SOAT1: variants seen among roughly 807,000 people sequenced by gnomAD.
SOAT1 encodes the protein sterol O-acyltransferase 1.
In SOAT1, 55 loss-of-function variants were observed where a neutral mutation model predicts 69.5. The observed-to-expected ratio is 0.79, with a 90% CI of 0.64 to 0.99. SOAT1 has a LOEUF of 0.99. Ranked by LOEUF, SOAT1 falls within the 50% of genes least tolerant of loss-of-function variation. SOAT1 has a pLI of 0.00. For missense variants in SOAT1, 580 were observed against 669.3 expected (o/e 0.87, Z 1.47); for synonymous variants, 231 against 224.7 (o/e 1.03, Z -0.25).
At chr1:179,351,114 G>T (rs13306727) in intron 14 of SOAT1, among the ~76,000 whole-genome samples, 67,784 of 144,848 alleles carry the variant, frequency 0.47, 15,564 homozygotes, top group Middle Eastern at 0.52. Context: ...TATGATCTCA[G>T]CTCACTGCAA....
chr1:179,300,968 A>G (rs1571400866), intron 1 of SOAT1, among the ~76,000 whole-genome samples: 1 of 151,898 alleles, frequency 6.6e-6, no homozygotes, highest in African/African-American at 2.4e-5. Context: ...GGTGGCAGTC[A>G]CCTGTAATCT....
In SOAT1 at chr1:179,337,976, A is replaced by G. The variant is rs1056801128; in HGVS notation, c.389+80A>G. 117 of 942,956 alleles carry G rather than the reference A, an allele frequency of 1.2e-4. 1 individual carries two copies. The highest frequency in any genetic ancestry group is 4.4e-4 in the South Asian group (26 of 59,430). 58.4% of individuals were successfully genotyped at this position (942,956 alleles called of 1,614,324 possible). A position where few individuals can be genotyped will look rare whatever the true frequency, so the allele number is the denominator to read the frequency against. ...TAGAATCATTGCTTAGTATATGGACATGTAATGAGTTCTGTATCTGTATAA... is the reference window on the plus strand; with the variant it reads ...TAGAATCATTGCTTAGTATATGGACGTGTAATGAGTTCTGTATCTGTATAA... On this transcript the variant is annotated intron_variant, in intron 5 of 15. Transcript: ENST00000367619.
At chr1:179,302,930 A>G (rs1313617765) in intron 2 of SOAT1, 128 bp downstream of exon 2, 2 of 512,310 alleles carry the variant, frequency 3.9e-6, no homozygotes, top group Non-Finnish European at 6.9e-6. Flanking sequence ...TTATATGTCT[A>G]GTAACAAAGC....
intron 2 of SOAT1, among the ~76,000 whole-genome samples, chr1:179,307,443 C>T (rs1395668745): frequency 1.3e-5 from 2 of 152,124 alleles, no homozygotes; most frequent in East Asian, 3.9e-4. Context: ...TGTCCGTTCT[C>T]AGAAATACTG....
intron 1 of SOAT1, 107 bp from the exon 2 acceptor site, chr1:179,302,570 C>A: frequency 1.6e-6 from 1 of 630,924 alleles, no homozygotes. Context: ...CCATGCGGAA[C>A]TGTGAGACAG....
chr1:179,296,061 T>C, intron 1 of SOAT1, among the ~76,000 whole-genome samples: 1 of 136,672 alleles, frequency 7.3e-6, no homozygotes, highest in Admixed American at 8.0e-5. Context: ...CCTCAGGTGA[T>C]CCACCCGCCT....
intron 2 of SOAT1, among the ~76,000 whole-genome samples, chr1:179,310,524 A>C (rs1163289327): frequency 6.6e-6 from 1 of 152,200 alleles, no homozygotes; most frequent in Admixed American, 6.5e-5. Flanking sequence ...TTTTGTGGTC[A>C]GTGGAGCAAT....
intron 9 of SOAT1, 28 bp downstream of exon 9, chr1:179,342,971 G>T (rs1191409568): frequency 6.4e-7 from 1 of 1,560,652 alleles, no homozygotes; most frequent in Non-Finnish European, 8.8e-7. Context: ...CAGAAATGTG[G>T]TAAACACCAA....
At chr1:179,346,065 A>G (rs1481662842) in intron 11 of SOAT1, among the ~76,000 whole-genome samples, 3 of 152,064 alleles carry the variant, frequency 2.0e-5, no homozygotes, top group Non-Finnish European at 4.4e-5. Flanking sequence ...TACTCATTGA[A>G]TGTTGGTAAT....
At chr1:179,320,530 G>A (rs1469816698) in intron 2 of SOAT1, among the ~76,000 whole-genome samples, 1 of 151,906 alleles carries the variant, frequency 6.6e-6, no homozygotes, top group African/African-American at 2.4e-5. Context: ...TTGCAAAGAA[G>A]CCAGGTGAAA....
At chr1:179,312,111 C>T (rs1373595117) in intron 2 of SOAT1, among the ~76,000 whole-genome samples, 1 of 152,188 alleles carries the variant, frequency 6.6e-6, no homozygotes, top group Non-Finnish European at 1.5e-5. Context: ...AGGTTTCCAA[C>T]TACTTTTGTG....
rs1216298575 is a variant in SOAT1 at position 179,345,057 on chromosome 1, A to G, written c.1098A>G (p.Val366=). 2 of 1,613,916 alleles carry G rather than the reference A, an allele frequency of 1.2e-6. No individual in the cohort carries two copies. Among genetic ancestry groups the G allele is most frequent in the Non-Finnish European group, 1.7e-6 (2 of 1,179,972 alleles). ...GCGCTCGTGTTCTGGTCCTATGTGT[A>G]TTTAACTCCATCTTGCCAGGTAACA... ...PFSARVLVLC[V]FNSILPGVLI... Residue 366 remains valine, a synonymous_variant, in exon 11 of 16, where the codon GTA becomes GTG. Coordinates refer to ENST00000367619, the MANE Select transcript of SOAT1 (RefSeq NM_003101.6).
At chr1:179,332,646 T>A (rs1426138077) in intron 3 of SOAT1, among the ~76,000 whole-genome samples, 1 of 152,130 alleles carries the variant, frequency 6.6e-6, no homozygotes, top group Non-Finnish European at 1.5e-5. Context: ...TATCAGTAGA[T>A]ACGAGATTGA....
chr1:179,344,816 T>C (rs186546288), intron 10 of SOAT1, 131 bp from the exon 11 acceptor site: 3 of 776,482 alleles, frequency 3.9e-6, no homozygotes, highest in East Asian at 4.9e-5. Flanking sequence ...TCTTCTATAC[T>C]AGTGTTAAAT....
intron 1 of SOAT1, among the ~76,000 whole-genome samples, chr1:179,300,953 C>T (rs1221388346): frequency 6.6e-6 from 1 of 151,934 alleles, no homozygotes; most frequent in Non-Finnish European, 1.5e-5. Flanking sequence ...AAATTAGCCA[C>T]GTGTGGTGGC....
chr1:179,337,407 C>T (rs1334888585), intron 4 of SOAT1, among the ~76,000 whole-genome samples: 1 of 152,114 alleles, frequency 6.6e-6, no homozygotes, highest in East Asian at 1.9e-4. Context: ...AGATCAGTAA[C>T]AGTATATATG....
At chr1:179,345,431 T>C (rs573227034) in intron 11 of SOAT1, among the ~76,000 whole-genome samples, 5 of 152,234 alleles carry the variant, frequency 3.3e-5, no homozygotes, top group Non-Finnish European at 7.3e-5. Flanking sequence ...AAATTACTTG[T>C]AGAAATTACT....
chr1:179,347,708 C>T lies in SOAT1; in HGVS notation c.1215+11C>T, dbSNP rs1168679173. The T allele has an allele frequency of 6.8e-7, 1 of 1,472,682 alleles. No individual in the cohort carries two copies. Among genetic ancestry groups the T allele is most frequent in the Non-Finnish European group, 9.4e-7 (1 of 1,067,072 alleles). 91.2% of individuals were successfully genotyped at this position (1,472,682 alleles called of 1,614,324 possible). A position where few individuals can be genotyped will look rare whatever the true frequency, so the allele number is the denominator to read the frequency against. ...AGGATGTTCTATAAGGTAGTATATACTTAGACTTAGCTTTCTTTTTACATT... is the reference window on the plus strand; with the variant it reads ...AGGATGTTCTATAAGGTAGTATATATTTAGACTTAGCTTTCTTTTTACATT... On this transcript the variant is annotated intron_variant, in intron 12 of 15. Transcript: ENST00000367619.
intron 12 of SOAT1, 38 bp downstream of exon 12, chr1:179,347,735 T>G: frequency 8.6e-7 from 1 of 1,167,358 alleles, no homozygotes. Flanking sequence ...TTTTACATTT[T>G]ATTAACTTCT....
Sources: gnomAD v4.1 joint callset for allele counts (sites outside exome capture counted in the v4.1 genomes callset) on GRCh38, gnomAD v4.1.1 for gene constraint, MANE v1.5 for transcripts, NCBI Gene and HGNC (gene_info 2026-07-23, HGNC 2026-07-21) for gene names.